The following BBOF1 variants were observed in gnomAD, a reference collection of about 807,000 sequenced individuals.
The protein encoded by BBOF1 is basal body-orientation factor 1.
BBOF1 carries 62 observed loss-of-function variants against 68.0 expected under a neutral mutation model. The observed-to-expected ratio is 0.91, with a 90% CI of 0.74 to 1.13. BBOF1 has a LOEUF of 1.13. BBOF1 is among the 50% of genes most tolerant of loss of function. The probability of loss-of-function intolerance (pLI) is 0.00; values close to 1 mark genes in which losing one functional copy is unlikely to be tolerated. For missense variants in BBOF1, 534 were observed against 600.1 expected, an observed-to-expected ratio of 0.89 and a Z score of 1.15; for synonymous variants, 208 against 198.8, an observed-to-expected ratio of 1.05 and a Z score of -0.39.
intron 9 of BBOF1, among the ~76,000 whole-genome samples, chr14:74,073,384 C>T (rs1158381811): frequency 3.3e-5 from 5 of 151,834 alleles, no homozygotes; most frequent in African/African-American, 7.3e-5. Context: ...GGATTACAGG[C>T]GTGAGTCATC....
chr14:74,057,919 C>A (rs528824731), intron 11 of BBOF1: 1 of 992,242 alleles, frequency 1.0e-6, no homozygotes, highest in African/African-American at 1.7e-5. Context: ...AAGTGATTTC[C>A]CTTAAATATA....
chr14:74,033,955 G>A, intron 3 of BBOF1, 73 bp from the exon 4 acceptor site: 4 of 1,214,800 alleles, frequency 3.3e-6, no homozygotes, highest in Non-Finnish European at 4.6e-6. Context: ...ATGGCGTAAG[G>A]CTTCAAATGA....
chr14:74,057,842 C>G, intron 11 of BBOF1: 1 of 1,033,522 alleles, frequency 9.7e-7, no homozygotes, highest in Non-Finnish European at 1.2e-6. Flanking sequence ...CTCTGAGCAG[C>G]AAATAGTTGG....
chr14:74,064,368 T>A (rs1448135525), intron 11 of BBOF1, among the ~76,000 whole-genome samples: 2 of 152,080 alleles, frequency 1.3e-5, no homozygotes, highest in African/African-American at 4.8e-5. Flanking sequence ...CAACAACATT[T>A]TTTGTAAATG....
At position 74,048,380 on chromosome 14, in the gene BBOF1, C is replaced by T. The variant is rs79348621; in HGVS notation, c.792+306C>T. The stretch of plus-strand genomic sequence containing the variant: ...CTGAGTCACTTAGGAATACATTTAG[C>T]GGTGAGTAACAGTCCTGACATCAGT... On this transcript the variant is annotated intron_variant, in intron 7 of 11. Coordinates refer to ENST00000394009, the MANE Select transcript of BBOF1 (RefSeq NM_025057.3). 2.9e-3 allele frequency: 564 copies of T among 196,900 alleles called. 4 individuals are homozygous for T. The highest frequency in any genetic ancestry group is 0.012 in the African/African-American group (522 of 42,672). 12.2% of individuals were successfully genotyped at this position (196,900 alleles called of 1,614,324 possible).
At chr14:74,053,475 A>G (rs1351446442) in intron 8 of BBOF1, among the ~76,000 whole-genome samples, 1 of 144,426 alleles carries the variant, frequency 6.9e-6, no homozygotes, top group African/African-American at 2.6e-5. Context: ...TGGCACCATC[A>G]TGGCTCACTG....
Position 74,039,063 on chromosome 14 carries a change from G to T in BBOF1, c.496-1502G>T, listed in dbSNP as rs576281337. Among the ~76,000 whole-genome samples the T allele has an allele frequency of 3.9e-5, 6 of 152,156 alleles. No homozygotes were observed. In the South Asian group the frequency reaches 1.2e-3, roughly 32 times the overall value. ...TACTCATCACAGCAAATTTAGCTTG[G>T]CTGATAAAATTAGAAAATAAAAATG... On this transcript the variant is annotated intron_variant, in intron 4 of 11. Transcript: ENST00000394009.
At chr14:74,042,879 GACACACACACACAC>G (rs71460947) in intron 5 of BBOF1, among the ~76,000 whole-genome samples, 3 of 143,664 alleles carry the variant, frequency 2.1e-5, no homozygotes, top group African/African-American at 5.2e-5. Context: ...CACACACACA[GACACACACACACAC>G]ACACACACAC....
intron 4 of BBOF1, among the ~76,000 whole-genome samples, chr14:74,038,918 G>T (rs1189994046): frequency 6.6e-6 from 1 of 151,714 alleles, no homozygotes; most frequent in Non-Finnish European, 1.5e-5. Context: ...AGAAAGAAAT[G>T]AAAAAGAAAA....
At chr14:74,037,746 G>A (rs1261981798) in intron 4 of BBOF1, among the ~76,000 whole-genome samples, 1 of 151,866 alleles carries the variant, frequency 6.6e-6, no homozygotes, top group Non-Finnish European at 1.5e-5. Flanking sequence ...CTGAGGTCGG[G>A]AGTTCAAGAC....
downstream of BBOF1, chr14:74,070,809 CAG>C (rs1242222402): frequency 4.5e-6 from 1 of 224,278 alleles, no homozygotes; most frequent in Non-Finnish European, 8.8e-6. Flanking sequence ...GCCTGAAACA[CAG>C]AAGCACTATT....
intron 3 of BBOF1, 78 bp downstream of exon 3, chr14:74,029,327 T>A (rs1322278126): frequency 9.6e-6 from 8 of 830,592 alleles, no homozygotes; most frequent in Non-Finnish European, 1.6e-5. Flanking sequence ...TAAGACCCAA[T>A]GACAGTGAGT....
At chr14:74,021,232 T>G (rs140582262) in intron 1 of BBOF1, among the ~76,000 whole-genome samples, 447 of 152,314 alleles carry the variant, frequency 2.9e-3, no homozygotes, top group Non-Finnish European at 5.2e-3. Context: ...TTTACCACTT[T>G]AATCTTTGAA....
intron 8 of BBOF1, among the ~76,000 whole-genome samples, chr14:74,051,568 C>T (rs2060068368): frequency 6.6e-6 from 1 of 151,730 alleles, no homozygotes; most frequent in African/African-American, 2.4e-5. Flanking sequence ...GATCTGCTGC[C>T]ACTATGATAA....
At chr14:74,039,100 A>C (rs1358925600) in intron 4 of BBOF1, among the ~76,000 whole-genome samples, 1 of 152,208 alleles carries the variant, frequency 6.6e-6, no homozygotes, top group African/African-American at 2.4e-5. Flanking sequence ...TCCATCCCTT[A>C]CAATTACACT....
Position 74,023,007 on chromosome 14 carries a change from A to G in BBOF1, c.148A>G (p.Arg50Gly). The change falls in exon 2 of 12, where the codon AGG becomes GGG. Residue 50 changes from arginine to glycine, a missense_variant. Physicochemically the swap from Arg to Gly is moderately radical, Grantham distance 125. Transcript: ENST00000394009. ...EARLEVTELS[R>G]IKYRDTSRIL... ...CAGGTTGGAAGTCACAGAACTCTCT[A>G]GGATTAAGTATCGTGATACTTCACG... The G allele has an allele frequency of 6.2e-7, 1 of 1,612,750 alleles. No individual in the cohort carries two copies. Among genetic ancestry groups the G allele is most frequent in the Non-Finnish European group, 8.5e-7 (1 of 1,179,330 alleles).
chr14:74,045,434 C>A (rs1020897289), intron 5 of BBOF1, among the ~76,000 whole-genome samples: 2 of 152,060 alleles, frequency 1.3e-5, no homozygotes, highest in Non-Finnish European at 2.9e-5. Context: ...CTCAGCCTAC[C>A]GAGAAGCTGG....
chr14:74,073,917 C>CA (rs5809643), intron 9 of BBOF1, among the ~76,000 whole-genome samples: 13,712 of 76,542 alleles, frequency 0.18, 1,247 homozygotes, highest in East Asian at 0.56. Flanking sequence ...GACTCCATCT[C>CA]AAAAAAAAAA....
chr14:74,035,920 C>G (rs181825207), intron 4 of BBOF1, among the ~76,000 whole-genome samples: 1 of 152,130 alleles, frequency 6.6e-6, no homozygotes, highest in Admixed American at 6.5e-5. Context: ...TAAGTCTGGC[C>G]CACATTCCTA....
Sources: allele counts gnomAD v4.1 joint callset (sites outside exome capture counted in the v4.1 genomes callset), GRCh38; gene constraint gnomAD v4.1.1; transcripts MANE v1.5; gene names NCBI Gene and HGNC (gene_info 2026-07-23, HGNC 2026-07-21).